Variants in OCA2 observed in about 807,000 individuals in gnomAD.
OCA2 encodes the protein P protein.
Under a neutral mutation model 100.2 loss-of-function variants are expected in OCA2, and 77 were observed. The observed-to-expected ratio is 0.77, with a 90% CI of 0.64 to 0.93. The LOEUF (loss-of-function observed/expected upper bound fraction) is 0.93. Ranked by LOEUF, OCA2 falls within the 40% of genes least tolerant of loss-of-function variation. The pLI is 0.00. For synonymous variants in OCA2, 432 were observed against 439.2 expected, an observed-to-expected ratio of 0.98 and a Z score of 0.21; for missense variants, 1,062 against 1,089.1, an observed-to-expected ratio of 0.98 and a Z score of 0.35.
At chr15:27,881,554 A>G (rs1000053911) in intron 19 of OCA2, among the ~76,000 whole-genome samples, 1 of 152,116 alleles carries the variant, frequency 6.6e-6, no homozygotes, top group African/African-American at 2.4e-5. Context: ...AGAACTTGCT[A>G]TTGGTCTATT....
At chr15:27,858,440 A>C (rs933603173) in intron 21 of OCA2, among the ~76,000 whole-genome samples, 1 of 152,120 alleles carries the variant, frequency 6.6e-6, no homozygotes, top group African/African-American at 2.4e-5. Context: ...AACAGGATAC[A>C]TCTTACACAT....
the OCA2 span, among the ~76,000 whole-genome samples, chr15:27,732,222 A>C: frequency 5.1e-4 from 77 of 152,370 alleles, 1 homozygote; most frequent in Admixed American, 3.7e-3. Flanking sequence ...TCATGCATGA[A>C]AATTGTGAAA....
At chr15:27,760,532 T>C (rs2150989072) in intron 23 of OCA2, among the ~76,000 whole-genome samples, 1 of 151,940 alleles carries the variant, frequency 6.6e-6, no homozygotes, top group South Asian at 2.1e-4. Context: ...AAGCTGATTT[T>C]TTAAAAAAGA....
Position 28,027,928 on chromosome 15 carries a change from G to A in OCA2, c.458C>T (p.Ser153Phe). ...GCTGTCCAGAAGGTCTCCCTTCTCG[G>A]AGGAGGCAGATGCAGACAGACCAGA... ...EVSGLSASASSEKGDLLDSPH... is the reference protein window; with the variant it reads ...EVSGLSASASFEKGDLLDSPH... The change falls in exon 4 of 24, where the codon TCC becomes TTC. Residue 153 changes from serine to phenylalanine, a missense_variant. Transcript: ENST00000354638. 1.2e-6 allele frequency: 2 copies of A among 1,614,156 alleles called. No homozygotes were observed. The highest frequency in any genetic ancestry group is 1.7e-6 in the Non-Finnish European group (2 of 1,180,052).
intron 19 of OCA2, among the ~76,000 whole-genome samples, chr15:27,920,702 G>A (rs2038825831): frequency 6.6e-6 from 1 of 151,866 alleles, no homozygotes; most frequent in South Asian, 2.1e-4. Context: ...ATATCACAAG[G>A]AAATAAAAAT....
intron 2 of OCA2, among the ~76,000 whole-genome samples, chr15:28,069,544 C>G (rs2141756906): frequency 7.1e-6 from 1 of 140,064 alleles, no homozygotes; most frequent in South Asian, 2.4e-4. Flanking sequence ...TGCCGAATGC[C>G]TGCGATTGCA....
At chr15:27,895,899 A>G in intron 19 of OCA2, 1 of 592,908 alleles carries the variant, frequency 1.7e-6, no homozygotes, top group South Asian at 1.8e-5. Flanking sequence ...CAGGTTGCTT[A>G]TGCCCGTACA....
intron 2 of OCA2, among the ~76,000 whole-genome samples, chr15:28,037,034 C>T (rs2043064788): frequency 6.6e-6 from 1 of 152,078 alleles, no homozygotes; most frequent in African/African-American, 2.4e-5. Flanking sequence ...GGGATGCCTG[C>T]TCAAGTCATA....
chr15:27,726,220 T>G, the OCA2 span, among the ~76,000 whole-genome samples: 1 of 151,710 alleles, frequency 6.6e-6, no homozygotes, highest in African/African-American at 2.4e-5. Flanking sequence ...ATCGCTCTAA[T>G]CTGAGAGGCA....
At chr15:27,746,467 TAAATAAATA>T in the OCA2 span, among the ~76,000 whole-genome samples, 1 of 8,742 alleles carries the variant, frequency 1.1e-4, no homozygotes, top group African/African-American at 9.2e-4. Context: ...TATTAAAAAA[TAAATAAATA>T]AATAAATAAA....
chr15:27,919,169 T>A (rs2038772878), intron 19 of OCA2, among the ~76,000 whole-genome samples: 1 of 152,100 alleles, frequency 6.6e-6, no homozygotes, highest in Admixed American at 6.6e-5. Flanking sequence ...ACAAGAATAG[T>A]CCTGATCGAT....
chr15:27,845,588 C>T (rs1313368914), intron 22 of OCA2, among the ~76,000 whole-genome samples: 2 of 152,188 alleles, frequency 1.3e-5, no homozygotes, highest in Non-Finnish European at 2.9e-5. Context: ...TGCACACATG[C>T]ATGCGTGCCA....
the OCA2 span, among the ~76,000 whole-genome samples, chr15:27,732,640 C>A: frequency 6.6e-6 from 1 of 152,162 alleles, no homozygotes; most frequent in African/African-American, 2.4e-5. Flanking sequence ...TATTGCTGTG[C>A]AGGCTGGGTT....
chr15:28,070,929 C>A (rs905702037), intron 2 of OCA2, among the ~76,000 whole-genome samples: 3 of 147,176 alleles, frequency 2.0e-5, no homozygotes, highest in Non-Finnish European at 4.5e-5. Flanking sequence ...AAGGGCGGTA[C>A]AAGATGTGCT....
At chr15:27,908,616 A>ATT (rs201617344) in intron 19 of OCA2, among the ~76,000 whole-genome samples, 2 of 152,104 alleles carry the variant, frequency 1.3e-5, no homozygotes, top group Non-Finnish European at 2.9e-5. Context: ...TAAGGGGAAA[A>ATT]GACGAATGTG....
chr15:27,902,268 C>T lies in OCA2; in HGVS notation c.2079+23859G>A, dbSNP rs918929540. ...AGGACTTCTGGGGAAAATTTAAATACGTGAAATGCTTTCTTTTTATGAAGC... is the reference window on the plus strand; with the variant it reads ...AGGACTTCTGGGGAAAATTTAAATATGTGAAATGCTTTCTTTTTATGAAGC... On this transcript the variant is annotated intron_variant, in intron 19 of 23. Transcript: ENST00000354638. 1.3e-4 allele frequency among the ~76,000 whole-genome samples: 19 copies of T among 151,132 alleles called. 1 individual carries two copies. Among genetic ancestry groups the T allele is most frequent in the African/African-American group, 3.4e-4 (14 of 40,860 alleles).
chr15:27,785,806 C>T (rs1238789692), intron 23 of OCA2, among the ~76,000 whole-genome samples: 1 of 152,108 alleles, frequency 6.6e-6, no homozygotes, highest in East Asian at 1.9e-4. Flanking sequence ...TTCCTTATGG[C>T]ATTATTCATA....
intron 21 of OCA2, among the ~76,000 whole-genome samples, chr15:27,858,226 T>C (rs1164287381): frequency 6.6e-6 from 1 of 151,908 alleles, no homozygotes; most frequent in East Asian, 1.9e-4. Flanking sequence ...ATACAAAAAT[T>C]AGCCAGGTGT....
At chr15:27,802,539 A>G (rs4328386) in intron 23 of OCA2, among the ~76,000 whole-genome samples, 2 of 152,200 alleles carry the variant, frequency 1.3e-5, no homozygotes, top group Non-Finnish European at 2.9e-5. Flanking sequence ...AAGAAATGAT[A>G]CTACCTGCTT....
Sources: allele counts gnomAD v4.1 joint callset (sites outside exome capture counted in the v4.1 genomes callset), GRCh38; gene constraint gnomAD v4.1.1; transcripts MANE v1.5; gene names NCBI Gene and HGNC (gene_info 2026-07-23, HGNC 2026-07-21).